NKAIN2: variants seen among roughly 807,000 people sequenced by gnomAD.
NKAIN2 encodes the protein sodium/potassium-transporting ATPase subunit beta-1-interacting protein 2.
In NKAIN2, 14 loss-of-function variants were observed where a neutral mutation model predicts 32.6. That is an observed-to-expected ratio of 0.43 (90% CI 0.28 to 0.67). The LOEUF (loss-of-function observed/expected upper bound fraction) is 0.67, where lower values mean the gene tolerates loss of function less well. Among genes scored for constraint, NKAIN2 ranks in the 30% least tolerant of loss-of-function variants. The pLI, the probability that NKAIN2 is intolerant of heterozygous loss-of-function variation, is 0.17. For missense variants in NKAIN2, 198 were observed against 258.3 expected (o/e 0.77, Z 1.60); for synonymous variants, 80 against 87.2 (o/e 0.92, Z 0.46).
intron 3 of NKAIN2, among the ~76,000 whole-genome samples, chr6:124,529,148 A>G (rs1163748727): frequency 6.6e-6 from 1 of 152,192 alleles, no homozygotes; most frequent in Non-Finnish European, 1.5e-5. Context: ...TTTTACTAAC[A>G]TTAGTTTCTA....
At chr6:124,282,158 T>G in intron 1 of NKAIN2, 1 of 265,610 alleles carries the variant, frequency 3.8e-6, no homozygotes, top group Non-Finnish European at 7.4e-6. Flanking sequence ...TTGTTGTTAT[T>G]TTTGGTTAGT....
intron 3 of NKAIN2, among the ~76,000 whole-genome samples, chr6:124,380,855 A>G (rs1695800483): frequency 6.6e-6 from 1 of 152,206 alleles, no homozygotes; most frequent in African/African-American, 2.4e-5. Flanking sequence ...TTCAAGATAC[A>G]CCAATGGATT....
rs1168066122 is a variant in NKAIN2 at position 124,358,898 on chromosome 6, G to A, written c.273+3551G>A. ...CTAGGTTTTCTTCTAGGGTTTTTAT[G>A]GTTTTAGGTCTAACATTTAAGTCTT... On this transcript the variant is annotated intron_variant, in intron 3 of 6. Transcript: ENST00000368417. 4.6e-5 allele frequency among the ~76,000 whole-genome samples: 7 copies of A among 150,960 alleles called. No homozygotes were observed. In the South Asian group the frequency reaches 6.3e-4, roughly 14 times the overall value.
chr6:124,424,298 A>T (rs1489922940), intron 3 of NKAIN2, among the ~76,000 whole-genome samples: 1 of 152,180 alleles, frequency 6.6e-6, no homozygotes, highest in Non-Finnish European at 1.5e-5. Flanking sequence ...AAGGGGTATA[A>T]TGTGCTGTTT....
intron 1 of NKAIN2, among the ~76,000 whole-genome samples, chr6:124,102,981 G>T (rs1037789848): frequency 6.6e-6 from 1 of 152,012 alleles, no homozygotes; most frequent in Non-Finnish European, 1.5e-5. Flanking sequence ...CTGGAAACAC[G>T]TATTAATTGT....
chr6:124,282,700 T>C (rs1190274548), intron 1 of NKAIN2, among the ~76,000 whole-genome samples: 1 of 152,182 alleles, frequency 6.6e-6, no homozygotes, highest in Admixed American at 6.5e-5. Context: ...ACTTCAAATG[T>C]TTGACAGTGC....
chr6:124,105,539 G>C (rs1228355943), intron 1 of NKAIN2, among the ~76,000 whole-genome samples: 3 of 152,132 alleles, frequency 2.0e-5, no homozygotes, highest in Admixed American at 6.5e-5. Context: ...GGCAGAGAGA[G>C]ACACATGTAA....
At chr6:124,196,258 T>C (rs1461568885) in intron 1 of NKAIN2, among the ~76,000 whole-genome samples, 2 of 152,120 alleles carry the variant, frequency 1.3e-5, no homozygotes, top group East Asian at 3.8e-4. Flanking sequence ...CTGATTGTTT[T>C]GTGTGTGTTC....
intron 1 of NKAIN2, among the ~76,000 whole-genome samples, chr6:124,261,714 G>T (rs528388085): frequency 6.6e-6 from 1 of 152,070 alleles, no homozygotes; most frequent in Non-Finnish European, 1.5e-5. Context: ...CCAAAAATTA[G>T]CAGGGCATTG....
intron 4 of NKAIN2, among the ~76,000 whole-genome samples, chr6:124,729,590 A>G (rs1583745859): frequency 6.6e-6 from 1 of 151,606 alleles, no homozygotes; most frequent in East Asian, 2.0e-4. Flanking sequence ...TGACAAAACC[A>G]CAGCCAATAT....
intron 1 of NKAIN2, among the ~76,000 whole-genome samples, chr6:123,989,490 G>C (rs896142133): frequency 6.6e-5 from 10 of 151,978 alleles, no homozygotes; most frequent in South Asian, 2.1e-4. Context: ...ACTCTTGCTG[G>C]GTCTTTTCTC....
At position 124,150,973 on chromosome 6, in the gene NKAIN2, C is replaced by T. The variant is rs539451376; in HGVS notation, c.55-132032C>T. Among the ~76,000 whole-genome samples the T allele has an allele frequency of 1.8e-4, 27 of 151,866 alleles. No homozygotes were observed. The South Asian group carries it at 5.0e-3, about 28-fold the overall frequency. ...ATTTGTAATTGTTTTTCTGTAAAAT[C>T]CTTATTCTTCTTTGTTCATATTTCT... On this transcript the variant is annotated intron_variant, in intron 1 of 6. Coordinates refer to ENST00000368417, the MANE Select transcript of NKAIN2 (RefSeq NM_001040214.3).
At chr6:123,923,843 A>G (rs1429353061) in intron 1 of NKAIN2, among the ~76,000 whole-genome samples, 3 of 150,006 alleles carry the variant, frequency 2.0e-5, no homozygotes, top group East Asian at 2.0e-4. Context: ...CTAATGCTAG[A>G]TGACGAGTTA....
chr6:123,858,750 G>A (rs1166285747), intron 1 of NKAIN2, among the ~76,000 whole-genome samples: 3 of 152,154 alleles, frequency 2.0e-5, no homozygotes, highest in Non-Finnish European at 2.9e-5. Context: ...GCACATTATT[G>A]AAGCGTCAGT....
At chr6:124,648,065 A>G (rs1385838950) in intron 3 of NKAIN2, among the ~76,000 whole-genome samples, 1 of 152,250 alleles carries the variant, frequency 6.6e-6, no homozygotes, top group East Asian at 1.9e-4. Context: ...AAACAAACAA[A>G]GAACACTTTA....
chr6:124,529,373 A>G (rs1355455535), intron 3 of NKAIN2, among the ~76,000 whole-genome samples: 2 of 152,196 alleles, frequency 1.3e-5, no homozygotes, highest in African/African-American at 4.8e-5. Context: ...TCACTTAGGC[A>G]GATTTTCTCT....
chr6:124,250,647 A>G (rs1793654232), intron 1 of NKAIN2, among the ~76,000 whole-genome samples: 1 of 152,102 alleles, frequency 6.6e-6, no homozygotes, highest in Non-Finnish European at 1.5e-5. Context: ...TAAAGAAGTG[A>G]GAGAATTATC....
intron 3 of NKAIN2, among the ~76,000 whole-genome samples, chr6:124,411,845 A>T (rs556509655): frequency 3.5e-4 from 54 of 152,150 alleles, no homozygotes; most frequent in African/African-American, 1.2e-3. Flanking sequence ...TGGTCTTTTC[A>T]CGTAGTTCCA....
intron 1 of NKAIN2, among the ~76,000 whole-genome samples, chr6:124,029,880 A>G (rs940753438): frequency 2.6e-5 from 4 of 152,110 alleles, no homozygotes; most frequent in Non-Finnish European, 4.4e-5. Context: ...TGAGAACTCT[A>G]CTGTGAACTG....
Sources: gnomAD v4.1 joint callset for allele counts (sites outside exome capture counted in the v4.1 genomes callset) on GRCh38, gnomAD v4.1.1 for gene constraint, MANE v1.5 for transcripts, NCBI Gene and HGNC (gene_info 2026-07-23, HGNC 2026-07-21) for gene names.